Variants in SLC19A3 observed in about 807,000 individuals in gnomAD.
The protein encoded by SLC19A3 is thiamine transporter 2.
SLC19A3 carries 31 observed loss-of-function variants against 40.2 expected under a neutral mutation model. The ratio of observed to expected loss-of-function variants is 0.77; its 90% CI spans 0.58 to 1.04. The LOEUF (loss-of-function observed/expected upper bound fraction) is 1.04. Among genes scored for constraint, SLC19A3 ranks in the 50% least tolerant of loss-of-function variants. SLC19A3 has a pLI of 0.00. For missense variants in SLC19A3, 592 were observed against 596.7 expected (o/e 0.99, Z 0.08); for synonymous variants, 212 against 227.5 (o/e 0.93, Z 0.61).
intron 1 of SLC19A3, among the ~76,000 whole-genome samples, chr2:227,711,419 C>CAAAAA (rs140919791): frequency 0.031 from 3,000 of 97,306 alleles, 103 homozygotes; most frequent in East Asian, 0.11. Context: ...GACTCTGTCT[C>CAAAAA]AAAAAAATAA....
At chr2:227,711,078 G>A (rs1696119331) in intron 1 of SLC19A3, among the ~76,000 whole-genome samples, 1 of 152,162 alleles carries the variant, frequency 6.6e-6, no homozygotes, top group African/African-American at 2.4e-5. Flanking sequence ...CAGGGGAAAG[G>A]ATTCCAGGGT....
chr2:227,696,625 T>C (rs1378154097), intron 3 of SLC19A3, among the ~76,000 whole-genome samples: 2 of 152,206 alleles, frequency 1.3e-5, no homozygotes, highest in African/African-American at 4.8e-5. Flanking sequence ...ATTTCCAATC[T>C]CCACTCTAAA....
intron 1 of SLC19A3, among the ~76,000 whole-genome samples, chr2:227,709,542 C>G (rs1696066976): frequency 1.3e-5 from 2 of 152,038 alleles, no homozygotes; most frequent in Admixed American, 1.3e-4. Flanking sequence ...TTTCCTGAAG[C>G]CAGGGTGATT....
At chr2:227,702,626 C>T (rs573573677) in intron 1 of SLC19A3, 31 of 339,410 alleles carry the variant, frequency 9.1e-5, no homozygotes, top group South Asian at 5.3e-4. Context: ...CTCCTGACCT[C>T]GAGTGAGGAA....
At chr2:227,707,273 C>A (rs1483882125) in intron 1 of SLC19A3, among the ~76,000 whole-genome samples, 1 of 152,180 alleles carries the variant, frequency 6.6e-6, no homozygotes, top group African/African-American at 2.4e-5. Flanking sequence ...TTCCTTTCTT[C>A]TTTTGCTGGT....
At chr2:227,698,187 G>C (rs746217503) in intron 3 of SLC19A3, among the ~76,000 whole-genome samples, 19 of 151,766 alleles carry the variant, frequency 1.3e-4, no homozygotes, top group African/African-American at 1.9e-4. Flanking sequence ...TTTGAGAGGA[G>C]TCTCGCTCTG....
chr2:227,696,555 C>CT (rs1695444824), intron 3 of SLC19A3, among the ~76,000 whole-genome samples: 1 of 152,132 alleles, frequency 6.6e-6, no homozygotes, highest in South Asian at 2.1e-4. Context: ...AAGTTTTAGT[C>CT]TTTTTTCTTG....
intron 1 of SLC19A3, among the ~76,000 whole-genome samples, chr2:227,704,680 T>C (rs931684474): frequency 6.6e-6 from 1 of 152,100 alleles, no homozygotes; most frequent in Non-Finnish European, 1.5e-5. Flanking sequence ...CCCAGCACTT[T>C]GGGAGGCTGA....
At chr2:227,701,092 T>G in intron 2 of SLC19A3, 1 of 1,301,360 alleles carries the variant, frequency 7.7e-7, no homozygotes, top group Non-Finnish European at 1.0e-6. Context: ...GTTGTCTTAA[T>G]TGTGGCATGC....
At chr2:227,696,110 CAT>C in intron 3 of SLC19A3, 29 bp from the exon 4 acceptor site, 1 of 1,607,862 alleles carries the variant, frequency 6.2e-7, no homozygotes, top group South Asian at 1.1e-5. Context: ...GGCAATCAAA[CAT>C]AATGACTTTG....
intron 1 of SLC19A3, chr2:227,702,630 T>C (rs540958909): frequency 4.4e-5 from 15 of 338,314 alleles, no homozygotes; most frequent in South Asian, 3.4e-4. Context: ...TGACCTCGAG[T>C]GAGGAAATTG....
At chr2:227,695,418 C>T in intron 4 of SLC19A3, 1 of 172,136 alleles carries the variant, frequency 5.8e-6, no homozygotes, top group South Asian at 1.4e-4. Context: ...GCCTGAGCAA[C>T]ATGGTGAAAC....
intron 4 of SLC19A3, chr2:227,695,676 T>A: frequency 1.7e-6 from 1 of 574,060 alleles, no homozygotes; most frequent in Non-Finnish European, 3.1e-6. Context: ...CCTACAGAGT[T>A]TTTTCCCTTG....
chr2:227,704,243 C>T (rs111497518), intron 1 of SLC19A3, among the ~76,000 whole-genome samples: 1,810 of 152,264 alleles, frequency 0.012, 12 homozygotes, highest in Middle Eastern at 0.027. Flanking sequence ...GCATGAGTCA[C>T]GCCTCACCAC....
intron 4 of SLC19A3, among the ~76,000 whole-genome samples, chr2:227,695,251 T>C (rs374509637): frequency 1.1e-4 from 16 of 152,252 alleles, no homozygotes; most frequent in African/African-American, 3.6e-4. Flanking sequence ...ACCTAACCAT[T>C]TGAAAGCAGA....
intron 2 of SLC19A3, among the ~76,000 whole-genome samples, chr2:227,700,439 G>A (rs1315303290): frequency 6.6e-6 from 1 of 151,952 alleles, no homozygotes; most frequent in Non-Finnish European, 1.5e-5. Flanking sequence ...TTGGGAGGCT[G>A]AGGCAGGAGA....
chr2:227,709,748 G>T (rs1299724531), intron 1 of SLC19A3, among the ~76,000 whole-genome samples: 1 of 152,122 alleles, frequency 6.6e-6, no homozygotes, highest in Non-Finnish European at 1.5e-5. Context: ...ACTGCCTGGA[G>T]AAGAACAAGA....
chr2:227,700,856 G>A, intron 2 of SLC19A3: 1 of 1,146,640 alleles, frequency 8.7e-7, no homozygotes, highest in Non-Finnish European at 1.2e-6. Flanking sequence ...GACTGGAGTT[G>A]CTGATCTGTA....
rs1470233751 is a variant in SLC19A3, at chr2:227,687,024, A to G, written c.*373T>C. On this transcript the variant is annotated 3_prime_UTR_variant, in exon 6 of 6. Coordinates refer to ENST00000644224, the MANE Select transcript of SLC19A3 (RefSeq NM_025243.4). ...TTAAGCCTAGCAATAGGGTCAGTCC[A>G]GTTAGTATTTCTCCTCACAAATGGT... 2 of 186,878 alleles carry G rather than the reference A, an allele frequency of 1.1e-5. No homozygotes were observed. Among genetic ancestry groups the G allele is most frequent in the African/African-American group, 4.7e-5 (2 of 42,268 alleles). 11.6% of individuals were successfully genotyped at this position (186,878 alleles called of 1,614,324 possible). A position where few individuals can be genotyped will look rare whatever the true frequency, so the allele number is the denominator to read the frequency against.
Sources: allele counts gnomAD v4.1 joint callset (sites outside exome capture counted in the v4.1 genomes callset), GRCh38; gene constraint gnomAD v4.1.1; transcripts MANE v1.5; gene names NCBI Gene and HGNC (gene_info 2026-07-23, HGNC 2026-07-21).